Variants in NCOR2 observed in about 807,000 individuals in gnomAD.
The protein encoded by NCOR2 is CTG repeat protein 26.
In NCOR2, 81 loss-of-function variants were observed where a neutral mutation model predicts 262.9. The ratio of observed to expected loss-of-function variants is 0.31; its 90% CI spans 0.26 to 0.37. The LOEUF is 0.37. Among genes scored for constraint, NCOR2 ranks in the 10% least tolerant of loss-of-function variants. NCOR2 has a pLI of 1.00. For synonymous variants in NCOR2, 1,659 were observed against 1,559.3 expected, an observed-to-expected ratio of 1.06 and a Z score of -1.51; for missense variants, 3,385 against 3,621.4, an observed-to-expected ratio of 0.93 and a Z score of 1.68.
exon 14 of NCOR2, chr12:124,402,513 G>A (rs760242258): frequency 8.3e-7 from 1 of 1,197,958 alleles, no homozygotes; most frequent in South Asian, 1.4e-5. Flanking sequence ...CGGGGCATGG[G>A]CTGCTGCTGC....
At chr12:124,409,491 C>T (rs1345275639) in intron 13 of NCOR2, among the ~76,000 whole-genome samples, 1 of 152,220 alleles carries the variant, frequency 6.6e-6, no homozygotes, top group African/African-American at 2.4e-5. Flanking sequence ...CCCTCCTGCC[C>T]AGCAGTGGCC....
rs71458847 is a variant in NCOR2, at chr12:124,503,014, C to A, written c.-117-7646G>T. On this transcript the variant is annotated intron_variant, in intron 1 of 46. Transcript: ENST00000404621. This position sits in a 1 kb window ranked among gnomAD's most constrained non-coding sequence, Gnocchi z 4.3. ...CCTAAGGAAGAGCCAGGTACCCAACCCCAGCCTGTCGTTGGCTCTGCCGGA... is the reference window on the plus strand; with the variant it reads ...CCTAAGGAAGAGCCAGGTACCCAACACCAGCCTGTCGTTGGCTCTGCCGGA... 7.3e-3 allele frequency among the ~76,000 whole-genome samples: 1,119 copies of A among 152,288 alleles called. 8 individuals carry two copies. Among genetic ancestry groups the A allele is most frequent in the Non-Finnish European group, 0.01 (692 of 68,032 alleles).
intron 20 of NCOR2, among the ~76,000 whole-genome samples, chr12:124,366,414 G>C (rs1192506234): frequency 1.3e-5 from 2 of 152,218 alleles, no homozygotes; most frequent in African/African-American, 4.8e-5. Context: ...AAGGAGATGA[G>C]TGGGTGCCAG....
intron 1 of NCOR2, among the ~76,000 whole-genome samples, chr12:124,552,744 A>G (rs1428187217): frequency 1.3e-5 from 2 of 152,288 alleles, no homozygotes; most frequent in Non-Finnish European, 1.5e-5. Context: ...GCTGGAGTGC[A>G]GTGGCATGAT....
chr12:124,539,422 C>T (rs531892249), upstream of NCOR2: 27 of 152,882 alleles, frequency 1.8e-4, no homozygotes, highest in South Asian at 5.3e-3. This position sits in a 1 kb window ranked among gnomAD's most constrained non-coding sequence, Gnocchi z 5.1. Flanking sequence ...CCACCAGCTC[C>T]TTCATGCTCA....
rs532974669 is a variant in NCOR2 at position 124,507,234 on chromosome 12, C to T, written c.-117-11866G>A. On this transcript the variant is annotated intron_variant, in intron 1 of 46. Transcript: ENST00000404621. ...GGGAGTTACTGTTTAACAGATATAGCGATTCAGTTTTGCCACATGAAAAGT... is the reference window on the plus strand; with the variant it reads ...GGGAGTTACTGTTTAACAGATATAGTGATTCAGTTTTGCCACATGAAAAGT... Among the ~76,000 whole-genome samples the T allele has an allele frequency of 2.0e-5, 3 of 152,242 alleles. No individual in the cohort carries two copies. The South Asian group carries it at 6.2e-4, about 32-fold the overall frequency.
chr12:124,423,455 C>T (rs1002891220), intron 11 of NCOR2, among the ~76,000 whole-genome samples: 3 of 152,180 alleles, frequency 2.0e-5, no homozygotes, highest in South Asian at 2.1e-4. Flanking sequence ...CAGCAGGCCC[C>T]GCGCCTGCTT....
At chr12:124,407,670 A>G (rs575466658) in intron 13 of NCOR2, among the ~76,000 whole-genome samples, 5 of 152,250 alleles carry the variant, frequency 3.3e-5, no homozygotes, top group African/African-American at 4.8e-5. Context: ...GTAGGGGTTG[A>G]TGAGATTTAA....
At chr12:124,341,917 G>A (rs774813579) in exon 34 of NCOR2, 17 of 1,612,918 alleles carry the variant, frequency 1.1e-5, no homozygotes, top group African/African-American at 6.7e-5. Flanking sequence ...CGGTGGCCGC[G>A]TTGTGGTGCA....
At chr12:124,475,886 G>A (rs1019932239) in intron 3 of NCOR2, among the ~76,000 whole-genome samples, 3 of 152,084 alleles carry the variant, frequency 2.0e-5, no homozygotes, top group Admixed American at 1.3e-4. Context: ...GGGACTCCAC[G>A]TGGGGTCCCA....
At chr12:124,410,566 C>T (rs1423942649) in intron 13 of NCOR2, among the ~76,000 whole-genome samples, 1 of 152,026 alleles carries the variant, frequency 6.6e-6, no homozygotes, top group East Asian at 2.0e-4. Flanking sequence ...AAGTCGGCAC[C>T]ACCGGAAGGC....
chr12:124,479,404 C>T (rs887980188), intron 3 of NCOR2, among the ~76,000 whole-genome samples: 1 of 151,826 alleles, frequency 6.6e-6, no homozygotes, highest in African/African-American at 2.4e-5. Flanking sequence ...GACACACGCA[C>T]GCACACACAG....
chr12:124,555,482 G>T (rs2051853350), intron 1 of NCOR2, among the ~76,000 whole-genome samples: 2 of 152,212 alleles, frequency 1.3e-5, no homozygotes, highest in African/African-American at 2.4e-5. Flanking sequence ...ACATGCTCGG[G>T]TGTCATCGCC....
Position 124,517,690 on chromosome 12 carries a change from C to T in NCOR2, c.-118+17875G>A, listed in dbSNP as rs541924900. Among the ~76,000 whole-genome samples the T allele has an allele frequency of 1.2e-4, 18 of 152,350 alleles. No homozygotes were observed. Among genetic ancestry groups the T allele is most frequent in the Admixed American group, 5.2e-4 (8 of 15,314 alleles). The stretch of plus-strand genomic sequence containing the variant: ...GCCCCCAAGGCTCGCCATGCTCCCC[C>T]CCAGGGACGCCGGATGTGCACCAAG... On this transcript the variant is annotated intron_variant, in intron 1 of 46. Coordinates refer to the NCOR2 transcript ENST00000404621. The surrounding 1 kb of genome is among the most constrained non-coding windows in gnomAD (Gnocchi z 7.6).
chr12:124,346,438 G>T, intron 31 of NCOR2, 126 bp downstream of exon 33: 1 of 1,054,088 alleles, frequency 9.5e-7, no homozygotes. Flanking sequence ...TGAGCAGCTG[G>T]GTGACTGTAA....
chr12:124,419,816 G>T, intron 13 of NCOR2, 141 bp downstream of exon 15: 1 of 746,754 alleles, frequency 1.3e-6, no homozygotes, highest in Non-Finnish European at 2.3e-6. Flanking sequence ...AGGGGAGCCT[G>T]CACTCACACT....
intron 37 of NCOR2, 114 bp downstream of exon 39, chr12:124,339,892 T>A: frequency 5.9e-6 from 4 of 672,816 alleles, no homozygotes; most frequent in East Asian, 3.2e-5. Context: ...CCCACACATC[T>A]GCCCACCCAC....
intron 1 of NCOR2, among the ~76,000 whole-genome samples, chr12:124,551,720 C>T (rs1298836085): frequency 2.0e-5 from 3 of 152,212 alleles, no homozygotes; most frequent in Non-Finnish European, 4.4e-5. Context: ...CACTAAGGAT[C>T]GAGTTTCACT....
intron 44 of NCOR2, among the ~76,000 whole-genome samples, chr12:124,329,550 G>C (rs2035002091): frequency 6.6e-6 from 1 of 152,160 alleles, no homozygotes; most frequent in Non-Finnish European, 1.5e-5. Context: ...AGACTAGCCT[G>C]GGTAACATAT....
Sources: allele counts gnomAD v4.1 joint callset (sites outside exome capture counted in the v4.1 genomes callset), GRCh38; gene constraint gnomAD v4.1.1; non-coding constraint Gnocchi (gnomAD v3.1); transcripts MANE v1.5; gene names NCBI Gene and HGNC (gene_info 2026-07-23, HGNC 2026-07-21).